The following IMMP2L variants were observed in gnomAD, a reference collection of about 807,000 sequenced individuals.
The protein encoded by IMMP2L is mitochondrial inner membrane protease subunit 2.
In IMMP2L, 18 loss-of-function variants were observed where a neutral mutation model predicts 19.3. That is an observed-to-expected ratio of 0.93 (90% confidence interval 0.64 to 1.38). The LOEUF (loss-of-function observed/expected upper bound fraction) is 1.38. Ranked by LOEUF, IMMP2L falls within the 40% of genes most tolerant of loss-of-function variation. IMMP2L has a pLI of 0.00. For synonymous variants in IMMP2L, 76 were observed against 73.0 expected, an observed-to-expected ratio of 1.04 and a Z score of -0.21; for missense variants, 233 against 218.2, an observed-to-expected ratio of 1.07 and a Z score of -0.43.
chr7:110,903,569 C>T (rs912142783), intron 4 of IMMP2L, among the ~76,000 whole-genome samples: 4 of 152,186 alleles, frequency 2.6e-5, no homozygotes, highest in African/African-American at 7.2e-5. Flanking sequence ...AGTTCATCCA[C>T]GTTGTTGCAT....
chr7:111,532,436 T>TA (rs1329069653), intron 1 of IMMP2L: 1 of 152,132 alleles, frequency 6.6e-6, no homozygotes, highest in East Asian at 1.9e-4. Context: ...ATCCCTACTC[T>TA]TCATGCCTCA....
chr7:111,560,636 T>C, intron 1 of IMMP2L, among the ~76,000 whole-genome samples: 1 of 152,212 alleles, frequency 6.6e-6, no homozygotes, highest in East Asian at 1.9e-4. Context: ...GGGAAAGTCT[T>C]GTAAATTAAC....
chr7:110,754,902 T>C (rs1797947747), intron 5 of IMMP2L, among the ~76,000 whole-genome samples: 1 of 150,624 alleles, frequency 6.6e-6, no homozygotes, highest in Non-Finnish European at 1.5e-5. Context: ...TACAGCACGT[T>C]CTATTTTTTT....
intron 5 of IMMP2L, among the ~76,000 whole-genome samples, chr7:110,834,330 C>G (rs1804235832): frequency 6.6e-6 from 1 of 151,530 alleles, no homozygotes; most frequent in African/African-American, 2.4e-5. Flanking sequence ...TAAATCAGGC[C>G]TTACTGGTCA....
chr7:110,850,473 T>C (rs1369098540), intron 5 of IMMP2L, among the ~76,000 whole-genome samples: 1 of 152,062 alleles, frequency 6.6e-6, no homozygotes, highest in Admixed American at 6.6e-5. Flanking sequence ...TGGGTTTACA[T>C]ATGTAAATAT....
intron 5 of IMMP2L, among the ~76,000 whole-genome samples, chr7:110,786,717 C>T (rs1800104313): frequency 6.6e-6 from 1 of 152,020 alleles, no homozygotes; most frequent in African/African-American, 2.4e-5. Flanking sequence ...TATTTCATCA[C>T]TGAATGCTGT....
intron 3 of IMMP2L, among the ~76,000 whole-genome samples, chr7:111,078,380 T>C (rs1023998510): frequency 4.6e-5 from 7 of 152,212 alleles, no homozygotes; most frequent in African/African-American, 1.7e-4. Flanking sequence ...TGGTCTAGAA[T>C]GTCACTTAAA....
At chr7:110,767,752 C>A (rs1233999508) in intron 5 of IMMP2L, among the ~76,000 whole-genome samples, 1 of 152,164 alleles carries the variant, frequency 6.6e-6, no homozygotes, top group African/African-American at 2.4e-5. Flanking sequence ...TTCCTGCTCC[C>A]ATCAAGCCCT....
intron 5 of IMMP2L, among the ~76,000 whole-genome samples, chr7:110,823,419 T>C (rs1803207123): frequency 6.6e-6 from 1 of 152,044 alleles, no homozygotes; most frequent in African/African-American, 2.4e-5. Flanking sequence ...CAAAAAGCAG[T>C]TGTGGTAATC....
At chr7:111,274,915 G>A (rs1234440071) in intron 3 of IMMP2L, among the ~76,000 whole-genome samples, 5 of 152,084 alleles carry the variant, frequency 3.3e-5, no homozygotes, top group Admixed American at 6.6e-5. Flanking sequence ...CCATCAGTAC[G>A]TAAAGCACTC....
At chr7:110,781,532 G>A (rs1300510858) in intron 5 of IMMP2L, among the ~76,000 whole-genome samples, 3 of 151,388 alleles carry the variant, frequency 2.0e-5, no homozygotes, top group Non-Finnish European at 4.4e-5. Flanking sequence ...ACTCAATATT[G>A]AGTCAGTATA....
intron 5 of IMMP2L, among the ~76,000 whole-genome samples, chr7:110,678,568 C>T (rs1052054970): frequency 3.9e-5 from 6 of 152,022 alleles, no homozygotes; most frequent in Admixed American, 3.9e-4. Flanking sequence ...TGATCCCTGT[C>T]CCTTAGGACC....
intron 5 of IMMP2L, among the ~76,000 whole-genome samples, chr7:110,839,462 G>A (rs776194130): frequency 2.0e-5 from 3 of 151,954 alleles, no homozygotes; most frequent in Admixed American, 6.6e-5. Context: ...TGACAAAAGA[G>A]GTCCTTACAA....
At chr7:111,449,931 G>A (rs1838947077) in intron 3 of IMMP2L, among the ~76,000 whole-genome samples, 1 of 138,350 alleles carries the variant, frequency 7.2e-6, no homozygotes, top group Non-Finnish European at 1.5e-5. Context: ...CAAACAGAGA[G>A]CCAAATCATG....
chr7:110,799,592 A>G (rs1801104165), intron 5 of IMMP2L, among the ~76,000 whole-genome samples: 1 of 152,088 alleles, frequency 6.6e-6, no homozygotes, highest in Non-Finnish European at 1.5e-5. Flanking sequence ...ATACTTTAGT[A>G]AAGGGAAACA....
At chr7:110,962,208 C>A (rs1022384758) in intron 4 of IMMP2L, 3 of 152,002 alleles carry the variant, frequency 2.0e-5, no homozygotes, top group African/African-American at 7.2e-5. Context: ...GGTATCAGGA[C>A]TCCTTCACAT....
At chr7:111,387,431 T>C (rs927303108) in intron 3 of IMMP2L, among the ~76,000 whole-genome samples, 2 of 152,182 alleles carry the variant, frequency 1.3e-5, no homozygotes, top group Non-Finnish European at 2.9e-5. Context: ...ACTGTTCTCA[T>C]TATTGCAAAC....
chr7:111,366,736 A>AATAAGTATATTCATTCT (rs1300936536), intron 3 of IMMP2L, among the ~76,000 whole-genome samples: 1 of 152,046 alleles, frequency 6.6e-6, no homozygotes, highest in African/African-American at 2.4e-5. Flanking sequence ...AAGATTCTAA[A>AATAAGTATATTCATTCT]AAAAGAAGAA....
chr7:111,100,343 GCT>G (rs1392361110), intron 3 of IMMP2L, among the ~76,000 whole-genome samples: 2 of 149,746 alleles, frequency 1.3e-5, no homozygotes, highest in African/African-American at 4.9e-5. Flanking sequence ...CTAACAACAG[GCT>G]CTTTCTACAG....
Sources: gnomAD v4.1 joint callset for allele counts (sites outside exome capture counted in the v4.1 genomes callset) on GRCh38, gnomAD v4.1.1 for gene constraint, MANE v1.5 for transcripts, NCBI Gene and HGNC (gene_info 2026-07-23, HGNC 2026-07-21) for gene names.